The following NTN4 variants were observed in gnomAD, a reference collection of about 807,000 sequenced individuals.
NTN4 encodes the protein netrin 4.
NTN4 carries 32 observed loss-of-function variants against 73.6 expected under a neutral mutation model. The ratio of observed to expected loss-of-function variants is 0.44; its 90% CI spans 0.33 to 0.58. The LOEUF is 0.58. Among genes scored for constraint, NTN4 ranks in the 20% least tolerant of loss-of-function variants. The pLI is 0.04. For synonymous variants in NTN4, 258 were observed against 287.5 expected (o/e 0.90, Z 1.04); for missense variants, 654 against 798.3 (o/e 0.82, Z 2.18).
chr12:95,731,847 G>A (rs1462393702), intron 3 of NTN4, among the ~76,000 whole-genome samples: 3 of 151,968 alleles, frequency 2.0e-5, no homozygotes, highest in African/African-American at 4.8e-5. Context: ...CCCTTCGTTC[G>A]TTTTGGGGAA....
chr12:95,779,177 G>C (rs576138177), intron 2 of NTN4, among the ~76,000 whole-genome samples: 3 of 151,986 alleles, frequency 2.0e-5, no homozygotes, highest in Non-Finnish European at 4.4e-5. Context: ...TAAGAGCTAT[G>C]TATGACAAAC....
intron 3 of NTN4, among the ~76,000 whole-genome samples, chr12:95,731,180 G>A (rs2078734486): frequency 6.6e-6 from 1 of 152,142 alleles, no homozygotes; most frequent in African/African-American, 2.4e-5. Context: ...TAGAGGACTT[G>A]GATAGTTTAC....
intron 2 of NTN4, among the ~76,000 whole-genome samples, chr12:95,741,783 T>C (rs2078829087): frequency 6.6e-6 from 1 of 151,902 alleles, no homozygotes; most frequent in Admixed American, 6.6e-5. Flanking sequence ...TCTCTCTCTC[T>C]CTCAAAATAT....
chr12:95,790,883 G>C (rs1164582406), upstream of NTN4: 2 of 126,978 alleles, frequency 1.6e-5, no homozygotes, highest in African/African-American at 5.8e-5. This position sits in a 1 kb window ranked among gnomAD's most constrained non-coding sequence, Gnocchi z 6.5. Flanking sequence ...TTGACAGCCC[G>C]GGCGGCGCAG....
At chr12:95,678,342 C>T (rs1205546565) in intron 7 of NTN4, among the ~76,000 whole-genome samples, 2 of 108,812 alleles carry the variant, frequency 1.8e-5, no homozygotes, top group Non-Finnish European at 3.6e-5. Context: ...TATCCTAGAA[C>T]TTAAAGTAAA....
chr12:95,751,606 TCTGA>T (rs1322305336), intron 2 of NTN4, among the ~76,000 whole-genome samples: 2 of 152,018 alleles, frequency 1.3e-5, no homozygotes, highest in Admixed American at 6.5e-5. Context: ...CCCAAGGCTC[TCTGA>T]CTGACTCCTT....
chr12:95,787,471 A>G lies in NTN4; in HGVS notation c.56-3T>C. 1.9e-6 allele frequency: 3 copies of G among 1,612,308 alleles called. No homozygotes were observed. The highest frequency in any genetic ancestry group is 2.5e-6 in the Non-Finnish European group (3 of 1,179,214). On this transcript the variant is annotated splice_region_variant and splice_polypyrimidine_tract_variant and intron_variant, in intron 1 of 9. Coordinates refer to ENST00000343702, the MANE Select transcript of NTN4 (RefSeq NM_021229.4). ...CACTCCAGCTACTCCACTCAGTCCT[A>G]AGAAAGGGAAAGCATGCATGATGCA...
intron 8 of NTN4, among the ~76,000 whole-genome samples, chr12:95,667,609 C>T (rs1015626795): frequency 6.6e-6 from 1 of 152,034 alleles, no homozygotes; most frequent in Non-Finnish European, 1.5e-5. Flanking sequence ...AATCCCAGCA[C>T]TTTGGGAGGC....
intron 8 of NTN4, among the ~76,000 whole-genome samples, chr12:95,666,268 T>C (rs905253782): frequency 2.6e-5 from 4 of 152,126 alleles, no homozygotes; most frequent in Non-Finnish European, 5.9e-5. Flanking sequence ...CTTTGGGGAC[T>C]CAGGGGGAAG....
At chr12:95,701,884 G>C (rs1465501833) in intron 5 of NTN4, among the ~76,000 whole-genome samples, 2 of 152,014 alleles carry the variant, frequency 1.3e-5, no homozygotes, top group East Asian at 1.9e-4. Flanking sequence ...AACATGCCCA[G>C]GTACGTATTT....
chr12:95,729,613 A>AAGAGAGAGAG (rs59395729), intron 3 of NTN4, among the ~76,000 whole-genome samples: 1 of 138,052 alleles, frequency 7.2e-6, no homozygotes, highest in Admixed American at 7.3e-5. Flanking sequence ...AATTATTATA[A>AAGAGAGAGAG]AGAGAGAGAG....
chr12:95,788,951 A>G (rs542948542), intron 1 of NTN4, among the ~76,000 whole-genome samples: 1 of 152,246 alleles, frequency 6.6e-6, no homozygotes, highest in African/African-American at 2.4e-5. Context: ...AATGGCTTGC[A>G]TGTTTTTGCC....
chr12:95,708,702 C>T (rs2078540003), intron 5 of NTN4, among the ~76,000 whole-genome samples: 1 of 152,188 alleles, frequency 6.6e-6, no homozygotes, highest in African/African-American at 2.4e-5. Context: ...AGCCACCCCA[C>T]CTGGCGTAGT....
At chr12:95,693,126 T>C (rs2078414054) in intron 5 of NTN4, among the ~76,000 whole-genome samples, 1 of 152,198 alleles carries the variant, frequency 6.6e-6, no homozygotes, top group African/African-American at 2.4e-5. Flanking sequence ...ACATGAACTA[T>C]GCTAGGGGCC....
chr12:95,763,330 T>C (rs1374500068), intron 2 of NTN4, among the ~76,000 whole-genome samples: 2 of 152,202 alleles, frequency 1.3e-5, no homozygotes, highest in Non-Finnish European at 2.9e-5. Context: ...TGCCCATTCA[T>C]TCTCTGCTAG....
intron 2 of NTN4, among the ~76,000 whole-genome samples, chr12:95,777,666 C>T (rs1417370051): frequency 2.6e-5 from 4 of 152,288 alleles, no homozygotes; most frequent in Non-Finnish European, 5.9e-5. Flanking sequence ...ATTCATAAAG[C>T]AAGTCCTTAG....
intron 3 of NTN4, among the ~76,000 whole-genome samples, chr12:95,727,888 G>A (rs1033768256): frequency 6.6e-6 from 1 of 152,280 alleles, no homozygotes; most frequent in Non-Finnish European, 1.5e-5. Flanking sequence ...AGTTTGGAGA[G>A]TATTGTCATT....
intron 8 of NTN4, among the ~76,000 whole-genome samples, chr12:95,667,582 C>G (rs1407404000): frequency 6.6e-6 from 1 of 152,048 alleles, no homozygotes; most frequent in Admixed American, 6.6e-5. Context: ...AGGCCAGGTG[C>G]AGGGACTCAT....
chr12:95,774,976 G>T lies in NTN4; in HGVS notation c.585+11963C>A, dbSNP rs561138383. Among the ~76,000 whole-genome samples, 105 of 152,326 alleles carry T rather than the reference G, an allele frequency of 6.9e-4. 1 individual carries two copies. Among genetic ancestry groups the T allele is most frequent in the African/African-American group, 2.2e-3 (91 of 41,568 alleles). Reference sequence around the variant, plus strand: ...GAAATAGCACTGGGCTAGAAGTCAGGAAACACAGATTTCAGCTGAGTAATT... The same window carrying T: ...GAAATAGCACTGGGCTAGAAGTCAGTAAACACAGATTTCAGCTGAGTAATT... On this transcript the variant is annotated intron_variant, in intron 2 of 9. Transcript: ENST00000343702.
Sources: gnomAD v4.1 joint callset for allele counts (sites outside exome capture counted in the v4.1 genomes callset) on GRCh38, gnomAD v4.1.1 for gene constraint, Gnocchi (gnomAD v3.1) non-coding constraint, MANE v1.5 for transcripts, NCBI Gene and HGNC (gene_info 2026-07-23, HGNC 2026-07-21) for gene names.